The following DYM variants were observed in gnomAD, a reference collection of about 807,000 sequenced individuals.
DYM encodes dyggve-Melchior-Clausen syndrome protein.
Under a neutral mutation model 93.1 loss-of-function variants are expected in DYM, and 78 were observed. That is an observed-to-expected ratio of 0.84 (90% CI 0.70 to 1.01). The LOEUF is 1.01. Ranked by LOEUF, DYM falls within the 50% of genes least tolerant of loss-of-function variation. DYM has a pLI of 0.00. For synonymous variants in DYM, 321 were observed against 319.7 expected (o/e 1.00, Z -0.04); for missense variants, 789 against 845.0 (o/e 0.93, Z 0.82).
At chr18:49,446,118 A>G (rs1343631967) in intron 1 of DYM, among the ~76,000 whole-genome samples, 1 of 152,194 alleles carries the variant, frequency 6.6e-6, no homozygotes, top group Admixed American at 6.5e-5. Context: ...AATCAAAAGA[A>G]AAAGCTTAAA....
At chr18:49,334,179 G>A (rs186487891) in intron 6 of DYM, among the ~76,000 whole-genome samples, 4 of 152,234 alleles carry the variant, frequency 2.6e-5, no homozygotes, top group African/African-American at 7.2e-5. Context: ...AGACATCTAT[G>A]TTCATTTCTG....
intron 6 of DYM, among the ~76,000 whole-genome samples, chr18:49,336,590 T>C (rs1050061269): frequency 6.6e-6 from 1 of 152,156 alleles, no homozygotes; most frequent in Non-Finnish European, 1.5e-5. Flanking sequence ...AGAAACAAAT[T>C]ATATCAAATT....
At chr18:49,139,063 T>C (rs9961684) in intron 15 of DYM, among the ~76,000 whole-genome samples, 5,649 of 152,160 alleles carry the variant, frequency 0.037, 316 homozygotes, top group African/African-American at 0.13. Flanking sequence ...ACTTAGAAAA[T>C]AATATATTAA....
chr18:49,151,985 G>A (rs896330281), intron 15 of DYM, among the ~76,000 whole-genome samples: 7 of 152,068 alleles, frequency 4.6e-5, no homozygotes, highest in Middle Eastern at 3.2e-3. Flanking sequence ...GGAAAGAGGG[G>A]GAAAGAAACT....
chr18:49,269,184 C>A (rs1374197741), intron 11 of DYM, among the ~76,000 whole-genome samples: 2 of 151,934 alleles, frequency 1.3e-5, no homozygotes, highest in Admixed American at 6.6e-5. Context: ...ATATGGTCAA[C>A]AAGTATATGA....
intron 1 of DYM, among the ~76,000 whole-genome samples, chr18:49,457,025 G>A (rs2083037346): frequency 6.6e-6 from 1 of 152,174 alleles, no homozygotes; most frequent in Non-Finnish European, 1.5e-5. Context: ...TTTAAGATTA[G>A]TCCTCTCTCT....
chr18:49,450,600 G>GC (rs1212283556), intron 1 of DYM, among the ~76,000 whole-genome samples: 1 of 152,112 alleles, frequency 6.6e-6, no homozygotes, highest in East Asian at 1.9e-4. Context: ...TGTTCAGAAG[G>GC]CCCCTGAAAC....
chr18:49,376,854 T>C (rs1239896835), intron 5 of DYM, among the ~76,000 whole-genome samples: 1 of 152,190 alleles, frequency 6.6e-6, no homozygotes. Context: ...AGGATAAGAA[T>C]GAAGAAAAAG....
chr18:49,390,333 G>C (rs1322735538), intron 3 of DYM, among the ~76,000 whole-genome samples: 1 of 152,064 alleles, frequency 6.6e-6, no homozygotes, highest in African/African-American at 2.4e-5. Context: ...AGGAGGCTGA[G>C]GTGGAAGGAT....
intron 13 of DYM, among the ~76,000 whole-genome samples, chr18:49,226,967 A>G (rs1257086506): frequency 6.6e-6 from 1 of 152,146 alleles, no homozygotes; most frequent in East Asian, 1.9e-4. Flanking sequence ...TTGTTTTAAA[A>G]AAATCTAGAC....
At chr18:49,294,453 G>C (rs1176282314) in intron 8 of DYM, among the ~76,000 whole-genome samples, 2 of 152,156 alleles carry the variant, frequency 1.3e-5, no homozygotes, top group African/African-American at 2.4e-5. Context: ...CATGAGCATG[G>C]AATGTTTTTC....
At chr18:49,082,594 C>T (rs1471275586) in intron 17 of DYM, among the ~76,000 whole-genome samples, 1 of 152,106 alleles carries the variant, frequency 6.6e-6, no homozygotes, top group Non-Finnish European at 1.5e-5. Flanking sequence ...AAAGTATACA[C>T]ATACATATTA....
chr18:49,438,006 G>T (rs2081009058), intron 1 of DYM, among the ~76,000 whole-genome samples: 1 of 152,074 alleles, frequency 6.6e-6, no homozygotes, highest in Admixed American at 6.6e-5. Context: ...GCCAGCCTGG[G>T]CAAGACCCCA....
intron 14 of DYM, among the ~76,000 whole-genome samples, chr18:49,169,667 C>T (rs560458441): frequency 1.3e-5 from 2 of 152,154 alleles, no homozygotes; most frequent in South Asian, 2.1e-4. Context: ...TAAGCCTCCT[C>T]CCTATGCCCT....
chr18:49,156,084 C>A (rs2086383946), intron 15 of DYM, among the ~76,000 whole-genome samples: 1 of 152,156 alleles, frequency 6.6e-6, no homozygotes, highest in African/African-American at 2.4e-5. Context: ...TTCTGGCCAT[C>A]AAAATAGATG....
intron 13 of DYM, among the ~76,000 whole-genome samples, chr18:49,235,608 G>A (rs1016151315): frequency 5.9e-5 from 9 of 151,966 alleles, no homozygotes; most frequent in Non-Finnish European, 8.8e-5. Flanking sequence ...CCTTTTTTAA[G>A]TGGCCTGACA....
chr18:49,134,828 C>T (rs1600028897), intron 15 of DYM, among the ~76,000 whole-genome samples: 1 of 152,320 alleles, frequency 6.6e-6, no homozygotes, highest in African/African-American at 2.4e-5. Context: ...CTTTTCTCAG[C>T]CGGGCATGGT....
chr18:49,394,592 T>C (rs1223836562), intron 2 of DYM, among the ~76,000 whole-genome samples: 1 of 152,210 alleles, frequency 6.6e-6, no homozygotes, highest in African/African-American at 2.4e-5. Flanking sequence ...TGATAGGGAT[T>C]GCATTGAATC....
At chr18:49,300,468 C>T (rs1431794992) in intron 8 of DYM, among the ~76,000 whole-genome samples, 4 of 151,760 alleles carry the variant, frequency 2.6e-5, no homozygotes, top group South Asian at 2.1e-4. Context: ...GGCATGGTGG[C>T]GCATGCCTGT....
Sources: gnomAD v4.1 joint callset for allele counts (sites outside exome capture counted in the v4.1 genomes callset) on GRCh38, gnomAD v4.1.1 for gene constraint, MANE v1.5 for transcripts, NCBI Gene and HGNC (gene_info 2026-07-23, HGNC 2026-07-21) for gene names.